BRAT1: variants seen among roughly 807,000 people sequenced by gnomAD.
The protein encoded by BRAT1 is integrator complex assembly factor BRAT1.
A neutral mutation model predicts 70.6 loss-of-function variants in BRAT1; 74 were observed. The ratio of observed to expected loss-of-function variants is 1.05; its 90% CI spans 0.87 to 1.27. BRAT1 has a LOEUF of 1.27. Ranked by LOEUF, BRAT1 falls within the 50% of genes most tolerant of loss-of-function variation. The probability of loss-of-function intolerance (pLI) is 0.00; values close to 1 mark genes in which losing one functional copy is unlikely to be tolerated. For missense variants in BRAT1, 1,203 were observed against 1,098.2 expected (o/e 1.10, Z -1.35); for synonymous variants, 615 against 517.1 (o/e 1.19, Z -2.57).
At chr7:2,542,928 G>A (rs1244131462) in intron 6 of BRAT1, 4 of 245,434 alleles carry the variant, frequency 1.6e-5, no homozygotes, top group Admixed American at 5.4e-5. Context: ...AGCGCAGGGC[G>A]TCGGCAGGAC....
chr7:2,538,237 G>C lies in BRAT1; in HGVS notation c.2298C>G (p.Asp766Glu), dbSNP rs144085416. Reference sequence around the variant, plus strand: ...TGGCCAGCACAGCCTCAGGCTCCTGGTCCCCTGGGGGCTGGGCCTGCTCAC... The same window carrying C: ...TGGCCAGCACAGCCTCAGGCTCCTGCTCCCCTGGGGGCTGGGCCTGCTCAC... ...RAGEQAQPPGDQEPEAVLAML... is the reference protein window; with the variant it reads ...RAGEQAQPPGEQEPEAVLAML... Residue 766 changes from aspartate (D) to glutamate (E), a missense_variant, in exon 14 of 14, where the codon GAC becomes GAG. Physicochemically the swap from Asp to Glu is conservative, Grantham distance 45. Coordinates refer to ENST00000340611, the MANE Select transcript of BRAT1 (RefSeq NM_152743.4). 6 of 1,609,660 alleles carry C rather than the reference G, an allele frequency of 3.7e-6. No individual in the cohort carries two copies. In the East Asian group the frequency reaches 1.3e-4, roughly 36 times the overall value.
chr7:2,546,781 T>A (rs115977879), intron 3 of BRAT1, among the ~76,000 whole-genome samples: 2,945 of 152,082 alleles, frequency 0.019, 46 homozygotes, highest in Admixed American at 0.036. Flanking sequence ...ATTAATTTTT[T>A]AAAAAAAAGA....
Position 2,543,060 on chromosome 7 carries a change from C to T in BRAT1, c.923+144G>A, listed in dbSNP as rs1029222257. 9 of 1,060,360 alleles carry T rather than the reference C, an allele frequency of 8.5e-6. No homozygotes were observed. Among genetic ancestry groups the T allele is most frequent in the Admixed American group, 5.3e-5 (2 of 37,828 alleles). 65.7% of individuals were successfully genotyped at this position (1,060,360 alleles called of 1,614,324 possible). On this transcript the variant is annotated intron_variant, in intron 6 of 13. Coordinates refer to ENST00000340611, the MANE Select transcript of BRAT1 (RefSeq NM_152743.4). This position sits in a 1 kb window ranked among gnomAD's most constrained non-coding sequence, Gnocchi z 5.5. The stretch of plus-strand genomic sequence containing the variant: ...TTCAGAAGCTGCCGCGCGCAACCCA[C>T]GCACCACCCAGTCACACCCCGCACG...
rs1450676893 is a variant in BRAT1, at chr7:2,545,008, G to A, written c.331C>T (p.Arg111Ter). Residue 111 changes from arginine to a stop codon, truncating the protein, a stop_gained, in exon 4 of 14, where the codon CGA (arginine) becomes TGA (stop). Transcript: ENST00000340611. LOFTEE classifies it high-confidence loss of function. ...GLFGEPGPLG[R>*]ATWAVPTVRS... ...ACGGTGGGGACGGCCCAGGTTGCTC[G>A]GCCGAGGGGTCCTGGCTCCCCAAAG... 1.3e-6 allele frequency: 2 copies of A among 1,547,836 alleles called. No homozygotes were observed. Among genetic ancestry groups the A allele is most frequent in the South Asian group, 1.2e-5 (1 of 82,988 alleles).
rs1438980293 is a variant in BRAT1 at position 2,545,012 on chromosome 7, G to A, written c.327C>T (p.Leu109=). The A allele has an allele frequency of 1.3e-6, 2 of 1,545,400 alleles. No individual in the cohort carries two copies. The highest frequency in any genetic ancestry group is 1.7e-6 in the Non-Finnish European group (2 of 1,144,392). ...TGGGGACGGCCCAGGTTGCTCGGCC[G>A]AGGGGTCCTGGCTCCCCAAAGAGCC... ...LPGLFGEPGP[L]GRATWAVPTV... The change falls in exon 4 of 14, where the codon CTC becomes CTT. Residue 109 remains leucine, a synonymous_variant. Transcript: ENST00000340611.
chr7:2,539,067 ACAG>A, intron 13 of BRAT1, 109 bp downstream of exon 13: 2 of 1,470,926 alleles, frequency 1.4e-6, no homozygotes, highest in South Asian at 2.6e-5. Context: ...GGCGCTGCCC[ACAG>A]CAGCAGCTGC....
At chr7:2,553,176 G>A (rs1780165933) in intron 2 of BRAT1, among the ~76,000 whole-genome samples, 1 of 152,044 alleles carries the variant, frequency 6.6e-6, no homozygotes, top group Non-Finnish European at 1.5e-5. Flanking sequence ...GGATTACGGC[G>A]CATGCCACCA....
rs771759555 is a variant in BRAT1, at chr7:2,542,156, C to T, written c.979G>A (p.Val327Ile). The T allele has an allele frequency of 8.3e-6, 13 of 1,572,018 alleles. No homozygotes were observed. The South Asian group carries it at 1.4e-4, about 17-fold the overall frequency. Residue 327 changes from valine to isoleucine, a missense_variant, in exon 7 of 14, where the codon GTC becomes ATC. Val to Ile is a conservative substitution (Grantham distance 29). Transcript: ENST00000340611. ...GGGGCCTGAACCGTGGCCTTCAGGA[C>T]ACAGGCCAGGGGCTGGAGAAGGACC... ...FQVLLQPLAC[V>I]LKATVQAPGP...
In BRAT1 at chr7:2,554,355, T is replaced by G; in HGVS notation, c.77A>C (p.Asp26Ala). The G allele has an allele frequency of 1.2e-6, 2 of 1,614,090 alleles. No individual in the cohort carries two copies. The highest frequency in any genetic ancestry group is 1.7e-6 in the Non-Finnish European group (2 of 1,179,974). ...GTCCAGGAGCTTCTCCAAACAGGTG[T>G]CATCTGCCACCGGCTGCCTGGGATC... ...LVDPRQPVAD[D>A]TCLEKLLDWF... is the part of the protein sequence containing the mutation. The change falls in exon 2 of 14, where the codon GAC becomes GCC. Residue 26 changes from aspartate to alanine, a missense_variant. By Grantham distance (126) the Asp-to-Ala change is moderately radical (BLOSUM62 -2). Coordinates refer to ENST00000340611, the MANE Select transcript of BRAT1 (RefSeq NM_152743.4).
rs550964089 is a variant in BRAT1 at position 2,543,466 on chromosome 7, G to C, written c.803+124C>G. On this transcript the variant is annotated intron_variant, in intron 5 of 13. Transcript: ENST00000340611. This position sits in a 1 kb window ranked among gnomAD's most constrained non-coding sequence, Gnocchi z 5.5. ...CCCATGAGGGTTCCAGGGTCACCCC[G>C]GTGCCGCTTCACTGCAGGCCATGTC... is the stretch of plus-strand genomic sequence containing the variant. 1 of 1,478,874 alleles carries C rather than the reference G, an allele frequency of 6.8e-7. No homozygotes were observed. Among genetic ancestry groups the C allele is most frequent in the African/African-American group, 1.4e-5 (1 of 70,932 alleles). The allele number at this position is 1,478,874 out of a possible 1,614,324, so 91.6% of individuals were successfully genotyped here. A position where few individuals can be genotyped will look rare whatever the true frequency, so the allele number is the denominator to read the frequency against.
rs1389013843 is a variant in BRAT1 at position 2,539,982 on chromosome 7, CAGGGACAGCAAT to C, written c.1396-106_1396-95del. On this transcript the variant is annotated intron_variant, in intron 10 of 13. Transcript: ENST00000340611. ...GCCTTCACCTGTGCTGCCCGTACTC[CAGGGACAGCAAT>C]GGGGACAGGAAGTGGAGAGAGAAGG... The C allele has an allele frequency of 1.1e-5, 10 of 874,544 alleles. No individual in the cohort carries two copies. The African/African-American group carries it at 1.7e-4, about 15-fold the overall frequency. The allele number at this position is 874,544 out of a possible 1,614,324, so 54.2% of individuals were successfully genotyped here. A position where few individuals can be genotyped will look rare whatever the true frequency, so the allele number is the denominator to read the frequency against.
chr7:2,542,312 T>G, intron 6 of BRAT1, 101 bp from the exon 7 acceptor site: 1 of 969,644 alleles, frequency 1.0e-6, no homozygotes. Flanking sequence ...AGCCAGGGGG[T>G]TGGGACACCC....
chr7:2,542,233 G>A, intron 6 of BRAT1, 22 bp from the exon 7 acceptor site: 3 of 1,540,798 alleles, frequency 1.9e-6, no homozygotes, highest in Non-Finnish European at 2.6e-6. Flanking sequence ...CGCGAGGTGA[G>A]TGCCGCGACC....
rs727505363 is a variant in BRAT1, at chr7:2,547,430, A to G, written c.176T>C (p.Leu59Pro). Reference protein sequence around the residue: ...LQEHPCLVELLSHVLKVQDLS... With the variant: ...LQEHPCLVELPSHVLKVQDLS... ...GTCCTGGACTTTCAGCACATGGGACAGCAGCTCCACCAGGCAGGGGTGCTC... is the reference window on the plus strand; with the variant it reads ...GTCCTGGACTTTCAGCACATGGGACGGCAGCTCCACCAGGCAGGGGTGCTC... The change falls in exon 3 of 14, where the codon CTG (leucine) becomes CCG (proline). Residue 59 changes from leucine (L) to proline (P), a missense_variant. Transcript: ENST00000340611. The G allele has an allele frequency of 1.9e-6, 3 of 1,614,150 alleles. No individual in the cohort carries two copies. The East Asian group carries it at 6.7e-5, about 36-fold the overall frequency.
rs147836087 is a variant in BRAT1, at chr7:2,552,706, G to A, written c.127+1599C>T. Among the ~76,000 whole-genome samples, 42 of 151,788 alleles carry A rather than the reference G, an allele frequency of 2.8e-4. No individual in the cohort carries two copies. In the East Asian group the frequency reaches 7.7e-3, roughly 28 times the overall value. On this transcript the variant is annotated intron_variant, in intron 2 of 13. Transcript: ENST00000340611. The stretch of plus-strand genomic sequence containing the variant: ...ACCATGAGAATAAACATTTACATGC[G>A]AGAATATTTATGTAAAAGGAAAGCC...
chr7:2,548,805 A>C (rs1277762268), intron 2 of BRAT1, among the ~76,000 whole-genome samples: 1 of 152,092 alleles, frequency 6.6e-6, no homozygotes, highest in Non-Finnish European at 1.5e-5. Context: ...TCTCTACTAA[A>C]ATATAAAAAA....
chr7:2,549,571 GGA>G lies in BRAT1; in HGVS notation c.128-2095_128-2094del, dbSNP rs1351780105. Among the ~76,000 whole-genome samples, 49 of 151,866 alleles carry G rather than the reference GGA, an allele frequency of 3.2e-4. No individual in the cohort carries two copies. The East Asian group carries it at 9.3e-3, about 29-fold the overall frequency. On this transcript the variant is annotated intron_variant, in intron 2 of 13. Coordinates refer to ENST00000340611, the MANE Select transcript of BRAT1 (RefSeq NM_152743.4). ...CAATCTGATGGAGGGCAGAAAAGGA[GGA>G]TAAAGGCACAAAGGTAAGGCACAGG...
intron 11 of BRAT1, 37 bp from the exon 12 acceptor site, chr7:2,539,679 G>A (rs777070793): frequency 1.3e-6 from 2 of 1,561,184 alleles, no homozygotes; most frequent in Non-Finnish European, 8.7e-7. Flanking sequence ...TGACCTTGGG[G>A]CCAGGCTCAC....
Position 2,539,640 on chromosome 7 carries a change from G to A in BRAT1, c.1501C>T (p.Leu501=). 6.3e-7 allele frequency: 1 copy of A among 1,592,184 alleles called. No homozygotes were observed. The highest frequency in any genetic ancestry group is 8.6e-7 in the Non-Finnish European group (1 of 1,168,564). Residue 501 remains leucine (L), a splice_region_variant and synonymous_variant, in exon 12 of 14, where the codon CTG becomes TTG. Coordinates refer to ENST00000340611, the MANE Select transcript of BRAT1 (RefSeq NM_152743.4). ...AGGCGTTTCTGCAGCACAGGGAACA[G>A]CTCTAGGGTGGGAAGGGACAGGTCA... ...GPLIPQFLRE[L]FPVLQKRLCH...
Sources: gnomAD v4.1 joint callset for allele counts (sites outside exome capture counted in the v4.1 genomes callset) on GRCh38, gnomAD v4.1.1 for gene constraint, Gnocchi (gnomAD v3.1) non-coding constraint, MANE v1.5 for transcripts, NCBI Gene and HGNC (gene_info 2026-07-23, HGNC 2026-07-21) for gene names.